Variants in STPG2 observed in about 807,000 individuals in gnomAD.
STPG2 encodes sperm tail PG-rich repeat containing 2.
Under a neutral mutation model 54.2 loss-of-function variants are expected in STPG2, and 56 were observed. That is an observed-to-expected ratio of 1.03 (90% CI 0.83 to 1.29). The LOEUF (loss-of-function observed/expected upper bound fraction) is 1.29. Ranked by LOEUF, STPG2 falls within the 50% of genes most tolerant of loss-of-function variation. STPG2 has a pLI of 0.00. For synonymous variants in STPG2, 200 were observed against 181.8 expected (o/e 1.10, Z -0.81); for missense variants, 596 against 544.9 (o/e 1.09, Z -0.93).
chr4:97,737,555 G>A (rs1349908243), intron 9 of STPG2, among the ~76,000 whole-genome samples: 6 of 152,168 alleles, frequency 3.9e-5, no homozygotes, highest in Admixed American at 1.3e-4. Flanking sequence ...CGAGAACTAC[G>A]TGAAGAATGC....
At chr4:97,711,797 G>C (rs946579111) in intron 10 of STPG2, among the ~76,000 whole-genome samples, 2 of 151,262 alleles carry the variant, frequency 1.3e-5, no homozygotes, top group Non-Finnish European at 2.9e-5. Flanking sequence ...AGCCTCCCGA[G>C]TAGCTGGGAC....
chr4:97,678,203 G>T (rs1241168524), intron 10 of STPG2, among the ~76,000 whole-genome samples: 2 of 151,820 alleles, frequency 1.3e-5, no homozygotes, highest in Non-Finnish European at 2.9e-5. Context: ...CACTTACAGG[G>T]TTTTTTTCAG....
At chr4:97,763,014 C>T (rs1375926618) in intron 9 of STPG2, among the ~76,000 whole-genome samples, 4 of 152,050 alleles carry the variant, frequency 2.6e-5, no homozygotes, top group African/African-American at 4.8e-5. Flanking sequence ...CCATTGTTGC[C>T]GTAACAAACT....
chr4:98,128,229 G>A (rs975256814), intron 3 of STPG2, among the ~76,000 whole-genome samples, 199 bp downstream of exon 3: 2 of 152,176 alleles, frequency 1.3e-5, no homozygotes, highest in African/African-American at 4.8e-5. Flanking sequence ...TAACGAGAAT[G>A]TCCATGTGAA....
chr4:97,813,677 TAAAAAAAAAAA>T lies in STPG2; in HGVS notation c.1204+27085_1204+27095del, dbSNP rs869298230. ...GGCAGCATAGCAAGACCCTGTCTCT[TAAAAAAAAAAA>T]AAAAAAAAAAAAAAAAAAAAAAAGC... On this transcript the variant is annotated intron_variant, in intron 9 of 10. Transcript: ENST00000295268. 9.4e-4 allele frequency among the ~76,000 whole-genome samples: 43 copies of T among 45,942 alleles called. No homozygotes were observed. In the East Asian group the frequency reaches 0.01, roughly 11 times the overall value. The allele number at this position is 45,942 out of a possible 152,430, so 30.1% of individuals were successfully genotyped here. A position where few individuals can be genotyped will look rare whatever the true frequency, so the allele number is the denominator to read the frequency against.
intron 4 of STPG2, among the ~76,000 whole-genome samples, chr4:97,470,130 G>A (rs1185930025): frequency 6.6e-6 from 1 of 152,044 alleles, no homozygotes; most frequent in Non-Finnish European, 1.5e-5. Context: ...GTCAGATTCA[G>A]GACAATTATT....
chr4:97,680,655 T>C (rs1471488330), intron 10 of STPG2, among the ~76,000 whole-genome samples: 2 of 152,080 alleles, frequency 1.3e-5, no homozygotes, highest in Non-Finnish European at 2.9e-5. Context: ...GGCCAGAACT[T>C]CCAACACTAT....
At chr4:97,546,825 G>A (rs1023328287) in intron 4 of STPG2, among the ~76,000 whole-genome samples, 2 of 152,074 alleles carry the variant, frequency 1.3e-5, no homozygotes, top group African/African-American at 4.8e-5. Context: ...CTAAACTGAT[G>A]AACAGAAAAG....
intron 6 of STPG2, among the ~76,000 whole-genome samples, chr4:97,977,696 G>GTCAAGAAA (rs1211179441): frequency 6.6e-6 from 1 of 152,096 alleles, no homozygotes; most frequent in Non-Finnish European, 1.5e-5. Flanking sequence ...AAAGCACCAG[G>GTCAAGAAA]GCTAGTCAAG....
intron 9 of STPG2, among the ~76,000 whole-genome samples, chr4:97,797,475 T>C (rs1428331854): frequency 6.6e-6 from 1 of 152,224 alleles, no homozygotes; most frequent in Non-Finnish European, 1.5e-5. Flanking sequence ...GTTCTGTTTA[T>C]ATGCTGGATT....
At chr4:97,760,719 G>A (rs1432893103) in intron 9 of STPG2, among the ~76,000 whole-genome samples, 1 of 152,136 alleles carries the variant, frequency 6.6e-6, no homozygotes, top group Non-Finnish European at 1.5e-5. Flanking sequence ...GGGTCAGTAT[G>A]CTAGTTTCCC....
chr4:97,652,949 A>G (rs999940042), intron 10 of STPG2, among the ~76,000 whole-genome samples: 1 of 152,006 alleles, frequency 6.6e-6, no homozygotes, highest in Non-Finnish European at 1.5e-5. Context: ...AATATAATGC[A>G]GTGATTCCTC....
intron 5 of STPG2, among the ~76,000 whole-genome samples, chr4:98,031,433 CTT>C (rs1378046657): frequency 1.3e-5 from 2 of 152,098 alleles, no homozygotes; most frequent in African/African-American, 2.4e-5. Flanking sequence ...AATCCCAGCA[CTT>C]TGGGAGGCTG....
intron 10 of STPG2, among the ~76,000 whole-genome samples, chr4:97,611,485 T>C (rs1733729367): frequency 6.6e-6 from 1 of 151,970 alleles, no homozygotes; most frequent in African/African-American, 2.4e-5. Context: ...TTTATTCCAA[T>C]ATTAAAGTTG....
chr4:97,481,178 G>C (rs190502087), intron 4 of STPG2, among the ~76,000 whole-genome samples: 3 of 151,544 alleles, frequency 2.0e-5, no homozygotes, highest in Admixed American at 2.0e-4. Flanking sequence ...AATAACTTTA[G>C]CATCTATGTA....
Position 97,834,768 on chromosome 4 carries a change from A to C in STPG2, c.1204+6005T>G, listed in dbSNP as rs74536387. Among the ~76,000 whole-genome samples the C allele has an allele frequency of 7.8e-3, 1,183 of 152,162 alleles. 15 individuals are homozygous for C. Among genetic ancestry groups the C allele is most frequent in the African/African-American group, 0.025 (1,045 of 41,534 alleles). On this transcript the variant is annotated intron_variant, in intron 9 of 10. Transcript: ENST00000295268. ...CTGGCTGCTGCTCAGAAGAAACAAG[A>C]GGGATGGATCTCACCTTTTGTTGGT...
intron 4 of STPG2, among the ~76,000 whole-genome samples, chr4:97,470,554 T>A (rs374324041): frequency 6.6e-6 from 1 of 152,134 alleles, no homozygotes; most frequent in Non-Finnish European, 1.5e-5. Context: ...AAACACTGTA[T>A]ATACTATGTT....
At chr4:97,679,908 C>G (rs1223905152) in intron 10 of STPG2, among the ~76,000 whole-genome samples, 7 of 151,254 alleles carry the variant, frequency 4.6e-5, no homozygotes, top group African/African-American at 7.3e-5. Context: ...GCTTGTTTTT[C>G]TCAGGTTTGT....
intron 9 of STPG2, among the ~76,000 whole-genome samples, chr4:97,740,848 A>C (rs1725201722): frequency 6.6e-6 from 1 of 152,206 alleles, no homozygotes; most frequent in African/African-American, 2.4e-5. Context: ...TCTTCACAGA[A>C]TTGGAAAAAA....
Sources: gnomAD v4.1 joint callset for allele counts (sites outside exome capture counted in the v4.1 genomes callset) on GRCh38, gnomAD v4.1.1 for gene constraint, MANE v1.5 for transcripts, NCBI Gene and HGNC (gene_info 2026-07-23, HGNC 2026-07-21) for gene names.